Variants in NAV3 observed in about 807,000 individuals in gnomAD.
NAV3 encodes neuron navigator 3.
NAV3 carries 87 observed loss-of-function variants against 244.7 expected under a neutral mutation model. The ratio of observed to expected loss-of-function variants is 0.36; its 90% confidence interval spans 0.30 to 0.42. The LOEUF (loss-of-function observed/expected upper bound fraction) is 0.42. NAV3 is among the 20% of genes least tolerant of loss of function. The probability of loss-of-function intolerance (pLI) is 1.00; values close to 1 mark genes in which losing one functional copy is unlikely to be tolerated. For synonymous variants in NAV3, 1,126 were observed against 1,042.2 expected, an observed-to-expected ratio of 1.08 and a Z score of -1.55; for missense variants, 2,663 against 2,893.3, an observed-to-expected ratio of 0.92 and a Z score of 1.83.
At chr12:77,752,502 A>G (rs1448656346) in intron 2 of NAV3, among the ~76,000 whole-genome samples, 1 of 152,144 alleles carries the variant, frequency 6.6e-6, no homozygotes, top group Non-Finnish European at 1.5e-5. Flanking sequence ...ACTCAGTTTA[A>G]TGGAACGCTG....
intron 2 of NAV3, among the ~76,000 whole-genome samples, chr12:77,736,922 T>C (rs1190834818): frequency 6.6e-6 from 1 of 152,038 alleles, no homozygotes; most frequent in Non-Finnish European, 1.5e-5. Flanking sequence ...CGAGAGACAA[T>C]GAGATCAATT....
At chr12:78,204,298 A>T (rs933190018) in intron 38 of NAV3, among the ~76,000 whole-genome samples, 1 of 152,108 alleles carries the variant, frequency 6.6e-6, no homozygotes, top group Non-Finnish European at 1.5e-5. Context: ...TGGCACATGT[A>T]TACATATGTA....
intron 1 of NAV3, among the ~76,000 whole-genome samples, chr12:77,906,397 T>C (rs947645595): frequency 6.6e-6 from 1 of 152,148 alleles, no homozygotes; most frequent in African/African-American, 2.4e-5. Flanking sequence ...TGAATCTTTA[T>C]AATAAATTCC....
chr12:77,575,565 G>T (rs1034140031), intron 2 of NAV3, among the ~76,000 whole-genome samples: 1 of 152,108 alleles, frequency 6.6e-6, no homozygotes, highest in Admixed American at 6.6e-5. Flanking sequence ...AGTGAGGTTT[G>T]CATATTGCTG....
At chr12:77,802,646 A>G (rs116752581) in intron 2 of NAV3, among the ~76,000 whole-genome samples, 14 of 152,214 alleles carry the variant, frequency 9.2e-5, no homozygotes, top group African/African-American at 3.4e-4. Context: ...TTTAAAAACA[A>G]CACTCTTCTT....
chr12:77,685,693 C>T (rs1874707733), intron 2 of NAV3, among the ~76,000 whole-genome samples: 1 of 152,162 alleles, frequency 6.6e-6, no homozygotes, highest in Admixed American at 6.6e-5. Flanking sequence ...TTTGTCAGGT[C>T]ATTGCCAACC....
intron 2 of NAV3, among the ~76,000 whole-genome samples, chr12:77,744,127 A>G (rs1868416784): frequency 6.6e-6 from 1 of 151,968 alleles, no homozygotes; most frequent in South Asian, 2.1e-4. Flanking sequence ...TTATTTTTCA[A>G]AATAAGAAAG....
chr12:77,761,643 A>G (rs555662962), intron 2 of NAV3, among the ~76,000 whole-genome samples: 22 of 152,362 alleles, frequency 1.4e-4, no homozygotes, highest in African/African-American at 5.0e-4. Flanking sequence ...TCTCAAAAAA[A>G]GACATTTATG....
intron 2 of NAV3, among the ~76,000 whole-genome samples, chr12:77,825,152 T>C (rs6538390): frequency 0.27 from 41,659 of 152,088 alleles, 6,950 homozygotes; most frequent in East Asian, 0.46. Flanking sequence ...CAAAGCAAAC[T>C]CTTTTTTAGC....
chr12:77,695,525 C>T (rs1041164220), intron 2 of NAV3, among the ~76,000 whole-genome samples: 3 of 152,028 alleles, frequency 2.0e-5, no homozygotes, highest in African/African-American at 7.2e-5. Context: ...GTTTTTATGC[C>T]ACTACCATGC....
At chr12:77,656,422 T>A (rs958764536) in intron 2 of NAV3, among the ~76,000 whole-genome samples, 1 of 122,874 alleles carries the variant, frequency 8.1e-6, no homozygotes, top group African/African-American at 3.6e-5. Context: ...CCTAAATATA[T>A]ATGCACCCAA....
intron 1 of NAV3, among the ~76,000 whole-genome samples, chr12:77,890,206 C>G (rs1883768994): frequency 1.3e-5 from 2 of 152,208 alleles, no homozygotes; most frequent in Admixed American, 1.3e-4. Flanking sequence ...GTCTTTCTAC[C>G]TCAGCCTCCC....
Position 78,088,582 on chromosome 12 carries a change from T to A in NAV3, c.2637-28190T>A, listed in dbSNP as rs184036884. ...ATAAAAAAATCTTCATTCTACTTGT[T>A]TCTTCTCTCTTTGTCCTCTTAAGAG... On this transcript the variant is annotated intron_variant, in intron 12 of 39. Transcript: ENST00000397909. 3.0e-3 allele frequency among the ~76,000 whole-genome samples: 452 copies of A among 152,280 alleles called. 1 individual carries two copies. The highest frequency in any genetic ancestry group is 5.8e-3 in the Admixed American group (88 of 15,296).
At chr12:78,064,469 G>A (rs1298417283) in intron 12 of NAV3, among the ~76,000 whole-genome samples, 1 of 151,828 alleles carries the variant, frequency 6.6e-6, no homozygotes, top group African/African-American at 2.4e-5. Flanking sequence ...CTGCCTGTCT[G>A]TCTATATAGA....
At chr12:78,165,993 A>G (rs1456148087) in intron 23 of NAV3, among the ~76,000 whole-genome samples, 1 of 151,774 alleles carries the variant, frequency 6.6e-6, no homozygotes, top group African/African-American at 2.4e-5. Flanking sequence ...CGTATGCAAT[A>G]AAGTTAAAGT....
At chr12:77,946,922 G>A (rs2137574885) in intron 3 of NAV3, among the ~76,000 whole-genome samples, 1 of 152,198 alleles carries the variant, frequency 6.6e-6, no homozygotes, top group Non-Finnish European at 1.5e-5. Flanking sequence ...CTGATTATGT[G>A]AAATAGTTAC....
intron 1 of NAV3, among the ~76,000 whole-genome samples, chr12:77,882,553 T>A (rs1882784863): frequency 6.6e-6 from 1 of 151,966 alleles, no homozygotes; most frequent in African/African-American, 2.4e-5. Context: ...CCAAAAGCAA[T>A]CGCAATAAAA....
At chr12:78,108,739 TC>T (rs1954935336) in intron 12 of NAV3, among the ~76,000 whole-genome samples, 1 of 151,850 alleles carries the variant, frequency 6.6e-6, no homozygotes, top group South Asian at 2.1e-4. Context: ...AAGCTGAAAA[TC>T]AAAAAATTCT....
At chr12:78,092,668 T>A (rs904048395) in intron 12 of NAV3, among the ~76,000 whole-genome samples, 5 of 151,732 alleles carry the variant, frequency 3.3e-5, no homozygotes, top group Admixed American at 2.6e-4. Context: ...CCCGGCTAAT[T>A]TTTTGTGTTT....
Sources: gnomAD v4.1 joint callset for allele counts (sites outside exome capture counted in the v4.1 genomes callset) on GRCh38, gnomAD v4.1.1 for gene constraint, MANE v1.5 for transcripts, NCBI Gene and HGNC (gene_info 2026-07-23, HGNC 2026-07-21) for gene names.